The following POFUT3 variants were observed in gnomAD, a reference collection of about 807,000 sequenced individuals.
POFUT3 encodes protein O-fucosyltransferase 3, also known as GDP-fucose protein O-fucosyltransferase 3.
At chr8:33,317,519 G>A in the POFUT3 span, among the ~76,000 whole-genome samples, 1 of 151,998 alleles carries the variant, frequency 6.6e-6, no homozygotes. Context: ...CACCCTTTTA[G>A]GCCAAACCAA....
the POFUT3 span, among the ~76,000 whole-genome samples, chr8:33,417,737 G>T: frequency 2.0e-5 from 3 of 152,038 alleles, no homozygotes; most frequent in Admixed American, 2.0e-4. Flanking sequence ...AGCCAAAATA[G>T]CAAGTAGATA....
the POFUT3 span, among the ~76,000 whole-genome samples, chr8:33,319,968 A>C: frequency 6.6e-6 from 1 of 150,732 alleles, no homozygotes; most frequent in Non-Finnish European, 1.5e-5. Context: ...ATGGAGAGTT[A>C]CTAAGGATGT....
At chr8:33,395,249 T>A in the POFUT3 span, among the ~76,000 whole-genome samples, 12 of 152,242 alleles carry the variant, frequency 7.9e-5, 1 homozygote, top group Admixed American at 5.9e-4. Context: ...GCCCAAATGT[T>A]GCCTTTTGGC....
the POFUT3 span, among the ~76,000 whole-genome samples, chr8:33,384,541 C>T: frequency 2.0e-5 from 3 of 152,198 alleles, no homozygotes; most frequent in South Asian, 2.1e-4. Context: ...TTCTTCAGGC[C>T]GGGCGTGGTG....
the POFUT3 span, among the ~76,000 whole-genome samples, chr8:33,407,024 A>T: frequency 6.6e-6 from 1 of 152,252 alleles, no homozygotes; most frequent in South Asian, 2.1e-4. Context: ...AAGTTCACAG[A>T]TAAACTTCAA....
chr8:33,343,854 T>C, the POFUT3 span, among the ~76,000 whole-genome samples: 1 of 152,204 alleles, frequency 6.6e-6, no homozygotes, highest in Non-Finnish European at 1.5e-5. Flanking sequence ...GGATATCTTG[T>C]CTTATTTTAA....
chr8:33,470,830 T>C, the POFUT3 span, among the ~76,000 whole-genome samples: 2 of 152,136 alleles, frequency 1.3e-5, no homozygotes, highest in African/African-American at 2.4e-5. Context: ...TCTTCTGAGG[T>C]TCCATCCCAA....
the POFUT3 span, among the ~76,000 whole-genome samples, chr8:33,370,168 C>CT: frequency 2.7e-5 from 1 of 36,852 alleles, no homozygotes; most frequent in Admixed American, 5.2e-4. Context: ...CCCATCTTTA[C>CT]TAAAAAAAAA....
At chr8:33,334,383 A>G in the POFUT3 span, among the ~76,000 whole-genome samples, 1 of 152,064 alleles carries the variant, frequency 6.6e-6, no homozygotes, top group African/African-American at 2.4e-5. Flanking sequence ...ACACTCGGCT[A>G]AGTTTTGTAT....
At chr8:33,321,106 C>A in the POFUT3 span, among the ~76,000 whole-genome samples, 1 of 152,096 alleles carries the variant, frequency 6.6e-6, no homozygotes, top group Admixed American at 6.6e-5. Flanking sequence ...CCCATTATGG[C>A]CCCTGGCTCA....
At chr8:33,321,546 C>T in the POFUT3 span, among the ~76,000 whole-genome samples, 1 of 152,084 alleles carries the variant, frequency 6.6e-6, no homozygotes, top group Non-Finnish European at 1.5e-5. Flanking sequence ...TATTTGGTCA[C>T]TGGCTTCCCC....
At chr8:33,454,595 G>A in the POFUT3 span, among the ~76,000 whole-genome samples, 2 of 151,884 alleles carry the variant, frequency 1.3e-5, no homozygotes, top group Non-Finnish European at 2.9e-5. Context: ...AATGGCCAAC[G>A]ATTCTACTAA....
chr8:33,429,645 G>T, the POFUT3 span, among the ~76,000 whole-genome samples: 2 of 151,978 alleles, frequency 1.3e-5, no homozygotes, highest in African/African-American at 4.8e-5. Flanking sequence ...AAAGGTACAG[G>T]AGGTACGAGT....
the POFUT3 span, among the ~76,000 whole-genome samples, chr8:33,409,841 C>T: frequency 6.6e-6 from 1 of 152,146 alleles, no homozygotes; most frequent in Non-Finnish European, 1.5e-5. Context: ...TGAGGCGGAG[C>T]TTGCAGTGAG....
At chr8:33,445,231 G>A in the POFUT3 span, among the ~76,000 whole-genome samples, 3 of 151,944 alleles carry the variant, frequency 2.0e-5, no homozygotes, top group Non-Finnish European at 4.4e-5. Flanking sequence ...ATTGCGCCTA[G>A]CCATGACCTT....
At chr8:33,335,654 T>A in the POFUT3 span, among the ~76,000 whole-genome samples, 1 of 152,216 alleles carries the variant, frequency 6.6e-6, no homozygotes, top group African/African-American at 2.4e-5. Context: ...ACTTAACTAC[T>A]AATAGGCTAC....
At chr8:33,463,870 ATT>A in the POFUT3 span, among the ~76,000 whole-genome samples, 2 of 150,710 alleles carry the variant, frequency 1.3e-5, no homozygotes, top group East Asian at 3.9e-4. Context: ...AAATCCAGGA[ATT>A]TTTTTTTTCC....
the POFUT3 span, among the ~76,000 whole-genome samples, chr8:33,453,989 T>C: frequency 6.6e-6 from 1 of 151,974 alleles, no homozygotes; most frequent in Non-Finnish European, 1.5e-5. Flanking sequence ...TGGCCGGGCA[T>C]GGTGATGCAT....
the POFUT3 span, among the ~76,000 whole-genome samples, chr8:33,338,120 T>A: frequency 6.6e-6 from 1 of 152,206 alleles, no homozygotes; most frequent in African/African-American, 2.4e-5. Context: ...TCATTTTAAT[T>A]GACTACTGCT....
Sources: gnomAD v4.1 joint callset for allele counts (sites outside exome capture counted in the v4.1 genomes callset) on GRCh38, gnomAD v4.1.1 for gene constraint, MANE v1.5 for transcripts, NCBI Gene and HGNC (gene_info 2026-07-23, HGNC 2026-07-21) for gene names.